The following ZFYVE21 variants were observed in gnomAD, a reference collection of about 807,000 sequenced individuals.
The protein encoded by ZFYVE21 is zinc finger FYVE domain-containing protein 21.
Under a neutral mutation model 29.5 loss-of-function variants are expected in ZFYVE21, and 21 were observed. That is an observed-to-expected ratio of 0.71 (90% CI 0.50 to 1.02). The LOEUF (loss-of-function observed/expected upper bound fraction) is 1.02, where lower values mean the gene tolerates loss of function less well. ZFYVE21 is among the 50% of genes least tolerant of loss of function. The probability of loss-of-function intolerance (pLI) is 0.00; values close to 1 mark genes in which losing one functional copy is unlikely to be tolerated. For synonymous variants in ZFYVE21, 151 were observed against 133.8 expected (o/e 1.13, Z -0.89); for missense variants, 326 against 335.4 (o/e 0.97, Z 0.22).
In ZFYVE21 at chr14:103,726,665, C is replaced by T. The variant is rs986468203; in HGVS notation, c.139-127C>T. The T allele has an allele frequency of 9.1e-6, 11 of 1,202,932 alleles. No homozygotes were observed. In the African/African-American group the frequency reaches 1.5e-4, roughly 16 times the overall value. The allele number at this position is 1,202,932 out of a possible 1,614,324, so 74.5% of individuals were successfully genotyped here. ...CCACCGTCCTGCGTCACAACCCTGC[C>T]TGCCTCAGGCTGCTTGGGTGCGTGG... On this transcript the variant is annotated intron_variant, in intron 1 of 6. Transcript: ENST00000311141.
intron 2 of ZFYVE21, chr14:103,727,284 C>T (rs965661275): frequency 6.7e-5 from 24 of 359,112 alleles, no homozygotes; most frequent in African/African-American, 3.9e-4. Flanking sequence ...GCCCTGTTTC[C>T]GTGGAAAGTG....
At chr14:103,729,435 CTGCTCTAAA>C in intron 5 of ZFYVE21, 2 of 576,024 alleles carry the variant, frequency 3.5e-6, no homozygotes, top group South Asian at 4.2e-5. Flanking sequence ...ATGATTTCCT[CTGCTCTAAA>C]TGCTCTAACG....
chr14:103,732,413 C>A, intron 5 of ZFYVE21: 1 of 501,508 alleles, frequency 2.0e-6, no homozygotes, highest in Non-Finnish European at 3.2e-6. Flanking sequence ...CTTGGTCCCT[C>A]TCCCACCCCA....
chr14:103,718,600 G>C (rs1304780712), intron 1 of ZFYVE21, among the ~76,000 whole-genome samples: 2 of 151,488 alleles, frequency 1.3e-5, no homozygotes, highest in African/African-American at 2.5e-5. Context: ...GGAAGCTTCA[G>C]ATGATCTCTG....
intron 3 of ZFYVE21, among the ~76,000 whole-genome samples, chr14:103,728,456 G>A (rs2083948535): frequency 6.6e-6 from 1 of 152,184 alleles, no homozygotes; most frequent in African/African-American, 2.4e-5. Flanking sequence ...CCGCCGTGGG[G>A]TCTGGGACCA....
intron 1 of ZFYVE21, among the ~76,000 whole-genome samples, chr14:103,717,441 C>G (rs1180371222): frequency 6.6e-6 from 1 of 152,246 alleles, no homozygotes; most frequent in African/African-American, 2.4e-5. Flanking sequence ...AGCACAATTT[C>G]TTTCTCCCTG....
chr14:103,724,500 C>G (rs1272547103), intron 1 of ZFYVE21: 1 of 152,294 alleles, frequency 6.6e-6, no homozygotes, highest in Non-Finnish European at 1.5e-5. Context: ...TTCGAGACTT[C>G]AGGCCCTCAG....
At chr14:103,726,879 G>A (rs773713999) in intron 2 of ZFYVE21, 37 bp downstream of exon 2, 16 of 1,612,144 alleles carry the variant, frequency 9.9e-6, no homozygotes, top group Middle Eastern at 1.7e-4. Context: ...GGTGGGAAGA[G>A]GGGAGGGGCC....
intron 1 of ZFYVE21, among the ~76,000 whole-genome samples, chr14:103,720,736 G>A (rs1420722846): frequency 6.6e-6 from 1 of 152,202 alleles, no homozygotes; most frequent in Non-Finnish European, 1.5e-5. Flanking sequence ...TTGCATTGGA[G>A]TGGGGGAGCG....
At chr14:103,727,528 A>G in intron 2 of ZFYVE21, 1 of 703,170 alleles carries the variant, frequency 1.4e-6, no homozygotes, top group Non-Finnish European at 2.6e-6. Flanking sequence ...ATTTTGATCC[A>G]TGATTTTGAA....
chr14:103,730,136 G>A (rs1567071910), intron 5 of ZFYVE21: 2 of 394,552 alleles, frequency 5.1e-6, no homozygotes, highest in Non-Finnish European at 9.1e-6. Context: ...CTGAGGCCAG[G>A]GGGCGTGGGG....
At chr14:103,721,597 C>T (rs748960830) in intron 1 of ZFYVE21, among the ~76,000 whole-genome samples, 11 of 152,204 alleles carry the variant, frequency 7.2e-5, no homozygotes, top group Admixed American at 2.0e-4. Context: ...CAGTGTCTGT[C>T]ATTAGCGGGT....
chr14:103,716,104 C>T lies in ZFYVE21; in HGVS notation c.138+125C>T. ...GGCGGCCCCTTCCCCAGCCGGCCCC[C>T]GCCCCCGCTCTCTCCCAGGTTGGCC... On this transcript the variant is annotated intron_variant, in intron 1 of 6. Coordinates refer to ENST00000311141, the MANE Select transcript of ZFYVE21 (RefSeq NM_024071.4). This position sits in a 1 kb window ranked among gnomAD's most constrained non-coding sequence, Gnocchi z 4.8. 1.1e-6 allele frequency: 1 copy of T among 949,104 alleles called. No individual in the cohort carries two copies. The highest frequency in any genetic ancestry group is 1.3e-6 in the Non-Finnish European group (1 of 761,460). 58.8% of individuals were successfully genotyped at this position (949,104 alleles called of 1,614,324 possible). A position where few individuals can be genotyped will look rare whatever the true frequency, so the allele number is the denominator to read the frequency against.
At position 103,729,194 on chromosome 14, in the gene ZFYVE21, C is replaced by T. The variant is rs1176269788; in HGVS notation, c.526+12C>T. 1 of 1,613,800 alleles carries T rather than the reference C, an allele frequency of 6.2e-7. No individual in the cohort carries two copies. The highest frequency in any genetic ancestry group is 8.5e-7 in the Non-Finnish European group (1 of 1,179,814). On this transcript the variant is annotated intron_variant, in intron 5 of 6. Transcript: ENST00000311141. ...CTTCCCTCCTGGAGGTAAATGCCAG[C>T]ACGTCCTTTCCTAAGCCAGGAGGGT...
At chr14:103,720,277 G>A (rs147399989) in intron 1 of ZFYVE21, among the ~76,000 whole-genome samples, 177 of 152,312 alleles carry the variant, frequency 1.2e-3, no homozygotes, top group African/African-American at 4.0e-3. Flanking sequence ...AATCTTTGAC[G>A]TGGGTTCCTT....
In ZFYVE21 at chr14:103,720,771, G is replaced by A. The variant is rs115915904; in HGVS notation, c.138+4792G>A. ...GGGTCTCGACCTGCAGGTCTCTAAG[G>A]AGCTCCATGCTGGTGTCTGCCGCAC... On this transcript the variant is annotated intron_variant, in intron 1 of 6. Coordinates refer to ENST00000311141, the MANE Select transcript of ZFYVE21 (RefSeq NM_024071.4). Among the ~76,000 whole-genome samples, 832 of 152,226 alleles carry A rather than the reference G, an allele frequency of 5.5e-3. 8 individuals carry two copies. Among genetic ancestry groups the A allele is most frequent in the African/African-American group, 0.019 (802 of 41,514 alleles).
chr14:103,727,019 CA>C, intron 2 of ZFYVE21, 177 bp downstream of exon 2: 1 of 592,302 alleles, frequency 1.7e-6, no homozygotes, highest in Non-Finnish European at 2.9e-6. Context: ...CATCTCGGCT[CA>C]CTGCAACCTC....
At chr14:103,727,536 GA>G in intron 2 of ZFYVE21, 1 of 713,564 alleles carries the variant, frequency 1.4e-6, no homozygotes, top group Non-Finnish European at 2.5e-6. Flanking sequence ...CCATGATTTT[GA>G]AAAAAGGGCC....
chr14:103,727,501 A>C, intron 2 of ZFYVE21: 2 of 663,836 alleles, frequency 3.0e-6, no homozygotes, highest in Middle Eastern at 3.8e-4. Context: ...TAGTTGAAAG[A>C]AAGCTGAAAA....
Sources: gnomAD v4.1 joint callset for allele counts (sites outside exome capture counted in the v4.1 genomes callset) on GRCh38, gnomAD v4.1.1 for gene constraint, Gnocchi (gnomAD v3.1) non-coding constraint, MANE v1.5 for transcripts, NCBI Gene and HGNC (gene_info 2026-07-23, HGNC 2026-07-21) for gene names.